Variants in PIK3CG observed in about 807,000 individuals in gnomAD.
The protein encoded by PIK3CG is phosphatidylinositol-4,5-bisphosphate 3-kinase catalytic subunit gamma.
Under a neutral mutation model 102.3 loss-of-function variants are expected in PIK3CG, and 55 were observed. The ratio of observed to expected loss-of-function variants is 0.54; its 90% CI spans 0.43 to 0.67. The LOEUF is 0.67. Ranked by LOEUF, PIK3CG falls within the 30% of genes least tolerant of loss-of-function variation. The pLI is 0.00. For synonymous variants in PIK3CG, 552 were observed against 540.0 expected, an observed-to-expected ratio of 1.02 and a Z score of -0.31; for missense variants, 1,258 against 1,391.8, an observed-to-expected ratio of 0.90 and a Z score of 1.53.
At chr7:106,898,929 T>TTCCTTTGGGC (rs1382104904) in intron 10 of PIK3CG, among the ~76,000 whole-genome samples, 2 of 152,192 alleles carry the variant, frequency 1.3e-5, no homozygotes. Flanking sequence ...TGTAATTTGA[T>TTCCTTTGGGC]AGAAATAGCA....
chr7:106,881,195 C>T (rs1790920860), intron 6 of PIK3CG, among the ~76,000 whole-genome samples: 2 of 152,074 alleles, frequency 1.3e-5, no homozygotes, highest in Admixed American at 6.5e-5. Flanking sequence ...GCCAGTTAAT[C>T]GCCAAAATTG....
In PIK3CG at chr7:106,867,534, G is replaced by A. The variant is rs2116414987; in HGVS notation, c.-12-16G>A. 2.0e-6 allele frequency: 3 copies of A among 1,523,504 alleles called. No homozygotes were observed. The highest frequency in any genetic ancestry group is 1.8e-6 in the Non-Finnish European group (2 of 1,137,258). 94.4% of individuals were successfully genotyped at this position (1,523,504 alleles called of 1,614,324 possible). A position where few individuals can be genotyped will look rare whatever the true frequency, so the allele number is the denominator to read the frequency against. Reference sequence around the variant, plus strand: ...TGCCTTTCTTGTGACAAATCCCTGTGTCCCTCCGCTCCCAGGTCGCATAGG... The same window carrying A: ...TGCCTTTCTTGTGACAAATCCCTGTATCCCTCCGCTCCCAGGTCGCATAGG... On this transcript the variant is annotated splice_polypyrimidine_tract_variant and intron_variant, in intron 1 of 10. Coordinates refer to ENST00000496166, the MANE Select transcript of PIK3CG (RefSeq NM_001282426.2). This position sits in a 1 kb window ranked among gnomAD's most constrained non-coding sequence, Gnocchi z 5.1.
Position 106,868,614 on chromosome 7 carries a change from C to T in PIK3CG, c.1053C>T (p.Thr351=), listed in dbSNP as rs550240865. Reference sequence around the variant, plus strand: ...GCAAGGACCACGAGAGTGTGTTCACCGTGTCCCTGTGGGACTGCGACCGCA... The same window carrying T: ...GCAAGGACCACGAGAGTGTGTTCACTGTGTCCCTGTGGGACTGCGACCGCA... ...IHGKDHESVF[T]VSLWDCDRKF... is the part of the protein sequence containing the mutation. Residue 351 remains threonine, a synonymous_variant, in exon 2 of 11, where the codon ACC becomes ACT. Transcript: ENST00000496166. The surrounding 1 kb of genome is among the most constrained non-coding windows in gnomAD (Gnocchi z 6.2). 6 of 1,614,198 alleles carry T rather than the reference C, an allele frequency of 3.7e-6. No homozygotes were observed. The African/African-American group carries it at 4.0e-5, about 11-fold the overall frequency.
At chr7:106,873,717 C>CTGTGTG (rs143014145) in intron 4 of PIK3CG, among the ~76,000 whole-genome samples, 2 of 149,504 alleles carry the variant, frequency 1.3e-5, no homozygotes, top group African/African-American at 4.9e-5. Flanking sequence ...GACTCTGTAT[C>CTGTGTG]TGTGTGTGTG....
rs1414253074 is a variant in PIK3CG, at chr7:106,879,483, A to G, written c.2392-36A>G. 1.3e-5 allele frequency: 20 copies of G among 1,575,454 alleles called. No individual in the cohort carries two copies. Among genetic ancestry groups the G allele is most frequent in the Non-Finnish European group, 1.7e-5 (20 of 1,145,832 alleles). On this transcript the variant is annotated intron_variant, in intron 5 of 10. Transcript: ENST00000496166. This position sits in a 1 kb window ranked among gnomAD's most constrained non-coding sequence, Gnocchi z 4.9. The stretch of plus-strand genomic sequence containing the variant: ...TCTCCACCATGTATATTCGTTATTC[A>G]TTGTGTGTGGGGAATATGTGACTGC...
In PIK3CG at chr7:106,872,529, TC is replaced by T. The variant is rs1790568697; in HGVS notation, c.1996-6del. 1 of 1,611,454 alleles carries T rather than the reference TC, an allele frequency of 6.2e-7. No individual in the cohort carries two copies. Among genetic ancestry groups the T allele is most frequent in the Non-Finnish European group, 8.5e-7 (1 of 1,177,492 alleles). On this transcript the variant is annotated splice_region_variant and splice_polypyrimidine_tract_variant and intron_variant, in intron 2 of 10. Coordinates refer to ENST00000496166, the MANE Select transcript of PIK3CG (RefSeq NM_001282426.2). The surrounding 1 kb of genome is among the most constrained non-coding windows in gnomAD (Gnocchi z 5.3). ...AGTCCTACAAATGCCAATGTGTTCT[TC>T]CTTTAGGCTGTGAAATTTGAACCAT...
At position 106,880,145 on chromosome 7, in the gene PIK3CG, A is replaced by G. The variant is rs552193296; in HGVS notation, c.2538+480A>G. ...ACAGAAATCCTGCAGGTAAGTGACA[A>G]GAGTGAAGTACTGTTAGGGCAGAAG... is the stretch of plus-strand genomic sequence containing the variant. On this transcript the variant is annotated intron_variant, in intron 6 of 10. Transcript: ENST00000496166. This position sits in a 1 kb window ranked among gnomAD's most constrained non-coding sequence, Gnocchi z 4.2. Among the ~76,000 whole-genome samples, 17 of 152,360 alleles carry G rather than the reference A, an allele frequency of 1.1e-4. No homozygotes were observed. Among genetic ancestry groups the G allele is most frequent in the African/African-American group, 4.1e-4 (17 of 41,584 alleles).
At position 106,903,960 on chromosome 7, in the gene PIK3CG, C is replaced by A. The variant is rs779972065; in HGVS notation, c.3031-1149C>A. On this transcript the variant is annotated intron_variant, in intron 10 of 10. Transcript: ENST00000496166. The surrounding 1 kb of genome is among the most constrained non-coding windows in gnomAD (Gnocchi z 4.3). ...ATTTTTAGTAGAGACGGGGTTTCAT[C>A]ATGTTGGCCAGGCTGGTCTTGAACT... Among the ~76,000 whole-genome samples, 6 of 151,946 alleles carry A rather than the reference C, an allele frequency of 3.9e-5. No individual in the cohort carries two copies. Among genetic ancestry groups the A allele is most frequent in the Admixed American group, 6.6e-5 (1 of 15,262 alleles).
Position 106,890,120 on chromosome 7 carries a change from A to G in PIK3CG, c.3030+3828A>G, listed in dbSNP as rs1317601911. On this transcript the variant is annotated intron_variant, in intron 10 of 10. Coordinates refer to ENST00000496166, the MANE Select transcript of PIK3CG (RefSeq NM_001282426.2). This position sits in a 1 kb window ranked among gnomAD's most constrained non-coding sequence, Gnocchi z 4.2. ...TATAATAAACAAATGTATTTATATCATTGGCAAATGAAATTTGGCTTCTAA... is the reference window on the plus strand; with the variant it reads ...TATAATAAACAAATGTATTTATATCGTTGGCAAATGAAATTTGGCTTCTAA... 6.6e-6 allele frequency among the ~76,000 whole-genome samples: 1 copy of G among 152,252 alleles called. No individual in the cohort carries two copies. The highest frequency in any genetic ancestry group is 2.4e-5 in the African/African-American group (1 of 41,468).
intron 5 of PIK3CG, among the ~76,000 whole-genome samples, chr7:106,878,775 C>A (rs1790845407): frequency 6.6e-6 from 1 of 152,174 alleles, no homozygotes; most frequent in Non-Finnish European, 1.5e-5. Flanking sequence ...AGCAAACTGG[C>A]CCTATAGTAA....
chr7:106,888,832 C>T (rs187271841), intron 10 of PIK3CG, among the ~76,000 whole-genome samples: 183 of 152,298 alleles, frequency 1.2e-3, no homozygotes, highest in African/African-American at 4.3e-3. Flanking sequence ...AATGCTGGAC[C>T]TGCGACTTAA....
chr7:106,900,610 C>T (rs1206315422), intron 10 of PIK3CG, among the ~76,000 whole-genome samples: 4 of 152,080 alleles, frequency 2.6e-5, no homozygotes, highest in East Asian at 3.8e-4. Flanking sequence ...TGCTATTAGC[C>T]GGTTACTATG....
At chr7:106,896,156 A>G (rs967992358) in intron 10 of PIK3CG, among the ~76,000 whole-genome samples, 4 of 152,230 alleles carry the variant, frequency 2.6e-5, no homozygotes, top group Admixed American at 6.5e-5. Flanking sequence ...GAAAAGCAGG[A>G]CAGTTATTTC....
At position 106,883,034 on chromosome 7, in the gene PIK3CG, A is replaced by G. The variant is rs1363963116; in HGVS notation, c.2631A>G (p.Gly877=). Residue 877 remains glycine (G), a splice_region_variant and synonymous_variant, in exon 8 of 11, where the codon GGA becomes GGG. Transcript: ENST00000496166. The surrounding 1 kb of genome is among the most constrained non-coding windows in gnomAD (Gnocchi z 5.8). The part of the protein sequence containing the change: ...YGCISTGDKI[G]MIEIVKDATT... ...CAGACTCTGTGCATCCTTCTGTAGG[A>G]ATGATCGAGATTGTGAAAGACGCCA... 11 of 1,613,718 alleles carry G rather than the reference A, an allele frequency of 6.8e-6. No individual in the cohort carries two copies. The highest frequency in any genetic ancestry group is 5.0e-5 in the Admixed American group (3 of 59,988).
intron 10 of PIK3CG, among the ~76,000 whole-genome samples, chr7:106,904,588 T>C (rs1444502351): frequency 2.6e-5 from 4 of 152,244 alleles, no homozygotes. Context: ...TCAAAGTTCA[T>C]TTAACAATTT....
rs1417230401 is a variant in PIK3CG, at chr7:106,879,571, T to G, written c.2444T>G (p.Phe815Cys). The change falls in exon 6 of 11, where the codon TTT becomes TGT. Residue 815 changes from phenylalanine (F) to cysteine (C), a missense_variant. By Grantham distance (205) the Phe-to-Cys change is radical. This residue lies in a region of PIK3CG where 426 missense variants were observed against 604.2 expected (regional missense o/e 0.71). Transcript: ENST00000496166. This position sits in a 1 kb window ranked among gnomAD's most constrained non-coding sequence, Gnocchi z 4.9. Reference protein sequence around the residue: ...ASKKKPLWLEFKCADPTALSN... With the variant: ...ASKKKPLWLECKCADPTALSN... ...AAGAAAAAACCACTATGGCTTGAGT[T>G]TAAATGTGCCGATCCTACAGCCCTA... 2.5e-6 allele frequency: 4 copies of G among 1,613,672 alleles called. No individual in the cohort carries two copies. Among genetic ancestry groups the G allele is most frequent in the Non-Finnish European group, 3.4e-6 (4 of 1,179,618 alleles).
Position 106,872,790 on chromosome 7 carries a change from C to CGCT in PIK3CG, c.2141_2143dup (p.Ala714dup). 1.9e-6 allele frequency: 3 copies of CGCT among 1,614,100 alleles called. No homozygotes were observed. Among genetic ancestry groups the CGCT allele is most frequent in the Non-Finnish European group, 2.5e-6 (3 of 1,179,962 alleles). On this transcript the variant is annotated inframe_insertion, in exon 4 of 11. Coordinates refer to ENST00000496166, the MANE Select transcript of PIK3CG (RefSeq NM_001282426.2). The surrounding 1 kb of genome is among the most constrained non-coding windows in gnomAD (Gnocchi z 5.3). ...AGTCCAGACACTATCAGCAGAGGTT[C>CGCT]GCTGTGATTCTGGAAGCCTATCTGA... is the stretch of plus-strand genomic sequence containing the variant.
intron 4 of PIK3CG, among the ~76,000 whole-genome samples, chr7:106,873,706 C>T (rs116549589): frequency 8.0e-4 from 121 of 151,310 alleles, no homozygotes; most frequent in African/African-American, 2.8e-3. Context: ...CAGCAAGAGA[C>T]GACTCTGTAT....
rs1001185400 is a variant in PIK3CG, at chr7:106,897,882, T to G, written c.3031-7227T>G. The stretch of plus-strand genomic sequence containing the variant: ...TTTATGGTAGAATGATTTCTATTCC[T>G]CTGGGTATATACCCAGTAATGGGAT... On this transcript the variant is annotated intron_variant, in intron 10 of 10. Coordinates refer to ENST00000496166, the MANE Select transcript of PIK3CG (RefSeq NM_001282426.2). This position sits in a 1 kb window ranked among gnomAD's most constrained non-coding sequence, Gnocchi z 4.6. Among the ~76,000 whole-genome samples the G allele has an allele frequency of 6.6e-6, 1 of 152,234 alleles. No individual in the cohort carries two copies. Among genetic ancestry groups the G allele is most frequent in the Non-Finnish European group, 1.5e-5 (1 of 68,042 alleles).
Sources: gnomAD v4.1 joint callset for allele counts (sites outside exome capture counted in the v4.1 genomes callset) on GRCh38, gnomAD v4.1.1 for gene constraint, gnomAD v4.1.1 regional missense constraint, Gnocchi (gnomAD v3.1) non-coding constraint, MANE v1.5 for transcripts, NCBI Gene and HGNC (gene_info 2026-07-23, HGNC 2026-07-21) for gene names.